Variants in SUCLG2 observed in about 807,000 individuals in gnomAD.
The protein encoded by SUCLG2 is succinate-CoA ligase GDP-forming subunit beta.
Under a neutral mutation model 47.9 loss-of-function variants are expected in SUCLG2, and 42 were observed. The ratio of observed to expected loss-of-function variants is 0.88; its 90% confidence interval spans 0.69 to 1.14. SUCLG2 has a LOEUF of 1.14. Ranked by LOEUF, SUCLG2 falls within the 50% of genes most tolerant of loss-of-function variation. The pLI, the probability that SUCLG2 is intolerant of heterozygous loss-of-function variation, is 0.00. For missense variants in SUCLG2, 571 were observed against 525.9 expected, an observed-to-expected ratio of 1.09 and a Z score of -0.84; for synonymous variants, 195 against 197.3, an observed-to-expected ratio of 0.99 and a Z score of 0.10.
intron 9 of SUCLG2, among the ~76,000 whole-genome samples, chr3:67,423,356 A>C (rs1703219546): frequency 6.6e-6 from 1 of 152,184 alleles, no homozygotes; most frequent in Non-Finnish European, 1.5e-5. Context: ...TTATCTTTAT[A>C]AATTACCCAG....
chr3:67,410,768 T>C (rs1000939937), intron 9 of SUCLG2, among the ~76,000 whole-genome samples: 33 of 152,320 alleles, frequency 2.2e-4, no homozygotes, highest in African/African-American at 7.9e-4. Flanking sequence ...CATATAATTC[T>C]CTCTTAACAA....
chr3:67,393,962 C>T (rs1457768129), intron 10 of SUCLG2, among the ~76,000 whole-genome samples: 5 of 152,154 alleles, frequency 3.3e-5, no homozygotes, highest in Non-Finnish European at 7.4e-5. Flanking sequence ...GCTGAGGGTC[C>T]TGTCTGTTAG....
At chr3:67,458,343 C>T (rs939092502) in intron 9 of SUCLG2, among the ~76,000 whole-genome samples, 3 of 152,166 alleles carry the variant, frequency 2.0e-5, no homozygotes, top group African/African-American at 7.2e-5. Flanking sequence ...GAAATAGGCA[C>T]TAATAATATC....
At chr3:67,453,490 A>G (rs192201565) in intron 9 of SUCLG2, among the ~76,000 whole-genome samples, 85 of 152,286 alleles carry the variant, frequency 5.6e-4, no homozygotes, top group African/African-American at 1.9e-3. Context: ...AATCACATTC[A>G]TGAGAGCCCA....
At chr3:67,511,078 G>A (rs751128438) in intron 6 of SUCLG2, among the ~76,000 whole-genome samples, 15 of 151,600 alleles carry the variant, frequency 9.9e-5, no homozygotes, top group Non-Finnish European at 1.8e-4. Flanking sequence ...TAGTAGAGAC[G>A]GGTTTTCACC....
At chr3:67,586,954 A>AAG (rs1708036919) in intron 2 of SUCLG2, among the ~76,000 whole-genome samples, 2 of 152,130 alleles carry the variant, frequency 1.3e-5, no homozygotes, top group Admixed American at 6.6e-5. Context: ...CCTCCTCATC[A>AAG]TCATCATCAC....
At chr3:67,579,560 C>A (rs1450387292) in intron 2 of SUCLG2, among the ~76,000 whole-genome samples, 3 of 152,130 alleles carry the variant, frequency 2.0e-5, no homozygotes, top group Non-Finnish European at 4.4e-5. Context: ...CACTAAATTA[C>A]AAACCAAGAA....
At chr3:67,616,585 T>C (rs1700634178) in intron 1 of SUCLG2, among the ~76,000 whole-genome samples, 1 of 152,228 alleles carries the variant, frequency 6.6e-6, no homozygotes, top group Non-Finnish European at 1.5e-5. Context: ...AATAAATTCA[T>C]TTATTATTTG....
chr3:67,462,633 A>T (rs1439748405), intron 9 of SUCLG2, among the ~76,000 whole-genome samples: 1 of 152,176 alleles, frequency 6.6e-6, no homozygotes, highest in Non-Finnish European at 1.5e-5. Flanking sequence ...CTTCTGTAAC[A>T]TCCTTTATAA....
At chr3:67,482,353 G>A (rs1041714117) in intron 9 of SUCLG2, among the ~76,000 whole-genome samples, 3 of 152,188 alleles carry the variant, frequency 2.0e-5, no homozygotes, top group African/African-American at 7.2e-5. Context: ...ATTTCACACT[G>A]TAGGATAAAT....
At chr3:67,642,951 T>TGA (rs141421739) in intron 1 of SUCLG2, among the ~76,000 whole-genome samples, 218 of 141,656 alleles carry the variant, frequency 1.5e-3, no homozygotes, top group Middle Eastern at 3.7e-3. Flanking sequence ...TGTGTGTGTG[T>TGA]GAGAGAGATG....
intron 10 of SUCLG2, among the ~76,000 whole-genome samples, chr3:67,382,849 G>C (rs2106772438): frequency 6.6e-6 from 1 of 152,246 alleles, no homozygotes; most frequent in African/African-American, 2.4e-5. Flanking sequence ...GGGGAATTCA[G>C]TGGAAACAAG....
At chr3:67,543,553 T>C (rs758164209) in intron 2 of SUCLG2, among the ~76,000 whole-genome samples, 6 of 152,048 alleles carry the variant, frequency 3.9e-5, no homozygotes, top group Non-Finnish European at 8.8e-5. Flanking sequence ...TAGTCCAAGC[T>C]ACTCAGGAGG....
chr3:67,613,268 G>A (rs1700564266), intron 1 of SUCLG2, among the ~76,000 whole-genome samples: 1 of 152,144 alleles, frequency 6.6e-6, no homozygotes. Context: ...CAATCCTGAA[G>A]CTACCTAGTG....
intron 2 of SUCLG2, among the ~76,000 whole-genome samples, chr3:67,560,476 G>A (rs568970570): frequency 1.3e-5 from 2 of 152,302 alleles, no homozygotes; most frequent in South Asian, 2.1e-4. Flanking sequence ...TTCAAGCCCT[G>A]AGTCTGCCAA....
In SUCLG2 at chr3:67,394,677, C is replaced by T. The variant is rs977989533; in HGVS notation, c.1183+6054G>A. Among the ~76,000 whole-genome samples, 24 of 151,332 alleles carry T rather than the reference C, an allele frequency of 1.6e-4. 1 individual carries two copies. The highest frequency in any genetic ancestry group is 5.8e-4 in the African/African-American group (24 of 41,148). ...GATTCAGGAAATACAGAGAATGCCT[C>T]AAAGATACTCCTCGAGAAGAGCAAC... is the stretch of plus-strand genomic sequence containing the variant. On this transcript the variant is annotated intron_variant, in intron 10 of 10. Transcript: ENST00000307227.
At chr3:67,426,754 C>T (rs553630365) in intron 9 of SUCLG2, among the ~76,000 whole-genome samples, 2 of 152,150 alleles carry the variant, frequency 1.3e-5, no homozygotes, top group East Asian at 1.9e-4. Context: ...ATGGTGAAAC[C>T]CCATCTCTAC....
At chr3:67,505,133 G>A (rs1391069735) in intron 7 of SUCLG2, among the ~76,000 whole-genome samples, 1 of 152,162 alleles carries the variant, frequency 6.6e-6, no homozygotes, top group Admixed American at 6.5e-5. Flanking sequence ...CAGGGTCAAT[G>A]AGAATCATTT....
At chr3:67,522,074 A>C (rs141214690) in intron 4 of SUCLG2, among the ~76,000 whole-genome samples, 2 of 151,592 alleles carry the variant, frequency 1.3e-5, no homozygotes, top group Non-Finnish European at 2.9e-5. Context: ...ATTCATTTTG[A>C]GATGGTCTTG....
Sources: allele counts gnomAD v4.1 joint callset (sites outside exome capture counted in the v4.1 genomes callset), GRCh38; gene constraint gnomAD v4.1.1; transcripts MANE v1.5; gene names NCBI Gene and HGNC (gene_info 2026-07-23, HGNC 2026-07-21).